ADAMTSL3: variants seen among roughly 807,000 people sequenced by gnomAD.
The protein encoded by ADAMTSL3 is ADAMTS like 3, also known as ADAMTS-like protein 3.
Under a neutral mutation model 201.7 loss-of-function variants are expected in ADAMTSL3, and 128 were observed. That is an observed-to-expected ratio of 0.63 (90% CI 0.55 to 0.73). The LOEUF is 0.73. Among genes scored for constraint, ADAMTSL3 ranks in the 30% least tolerant of loss-of-function variants. ADAMTSL3 has a pLI of 0.00. For synonymous variants in ADAMTSL3, 738 were observed against 748.4 expected, an observed-to-expected ratio of 0.99 and a Z score of 0.23; for missense variants, 1,990 against 2,119.6, an observed-to-expected ratio of 0.94 and a Z score of 1.20.
chr15:83,980,314 A>G (rs2067363785), intron 20 of ADAMTSL3, among the ~76,000 whole-genome samples: 1 of 152,204 alleles, frequency 6.6e-6, no homozygotes, highest in Non-Finnish European at 1.5e-5. Context: ...CCAAGACCCT[A>G]TTCCAGTGCT....
intron 9 of ADAMTSL3, 94 bp downstream of exon 9, chr15:83,871,053 C>T: frequency 7.0e-7 from 1 of 1,436,654 alleles, no homozygotes; most frequent in Non-Finnish European, 9.5e-7. Context: ...GGTCATCAAT[C>T]ATTGTTTTTT....
intron 15 of ADAMTSL3, among the ~76,000 whole-genome samples, chr15:83,910,135 A>G (rs973487067): frequency 5.3e-5 from 8 of 152,154 alleles, no homozygotes; most frequent in Non-Finnish European, 8.8e-5. Flanking sequence ...CAATAGTGTT[A>G]TTATGTTTCA....
At chr15:83,687,848 A>G (rs2061558853) in intron 2 of ADAMTSL3, among the ~76,000 whole-genome samples, 1 of 152,066 alleles carries the variant, frequency 6.6e-6, no homozygotes, top group South Asian at 2.1e-4. Flanking sequence ...ACAGCCACCA[A>G]CTAAGAGTAT....
At chr15:83,804,451 A>G (rs552128489) in intron 4 of ADAMTSL3, among the ~76,000 whole-genome samples, 199 bp from the exon 5 acceptor site, 5 of 152,278 alleles carry the variant, frequency 3.3e-5, no homozygotes, top group African/African-American at 1.2e-4. Flanking sequence ...ATTTAATGTG[A>G]CACTTCCACA....
At chr15:83,756,227 T>C (rs2062717529) in intron 3 of ADAMTSL3, among the ~76,000 whole-genome samples, 1 of 152,138 alleles carries the variant, frequency 6.6e-6, no homozygotes, top group African/African-American at 2.4e-5. Flanking sequence ...ACATCCTCAC[T>C]GTATTAGTCT....
rs1426792168 is a variant in ADAMTSL3, at chr15:83,942,762, G to T, written c.2284G>T (p.Gly762Cys). Residue 762 changes from glycine to cysteine, a missense_variant, in exon 18 of 30, where the codon GGC becomes TGC. Physicochemically the swap from Gly to Cys is radical, Grantham distance 159. Coordinates refer to ENST00000286744, the MANE Select transcript of ADAMTSL3 (RefSeq NM_207517.3). ...QACNQFDCPPGWHIEEWQQCS... is the reference protein window; with the variant it reads ...QACNQFDCPPCWHIEEWQQCS... The stretch of plus-strand genomic sequence containing the variant: ...ATGCAATCAGTTTGACTGCCCTCCT[G>T]GCTGGCACATTGAAGAATGGCAGCA... 1 of 1,613,738 alleles carries T rather than the reference G, an allele frequency of 6.2e-7. No homozygotes were observed. The highest frequency in any genetic ancestry group is 2.2e-5 in the East Asian group (1 of 44,770).
At chr15:83,726,520 A>C (rs1406327952) in intron 3 of ADAMTSL3, among the ~76,000 whole-genome samples, 1 of 152,070 alleles carries the variant, frequency 6.6e-6, no homozygotes, top group Non-Finnish European at 1.5e-5. Context: ...GTATGATACC[A>C]GCTCTGGGTC....
chr15:83,759,555 A>G (rs987846455), intron 3 of ADAMTSL3, among the ~76,000 whole-genome samples: 3 of 152,152 alleles, frequency 2.0e-5, no homozygotes, highest in Non-Finnish European at 2.9e-5. Flanking sequence ...ATGTTTTGAC[A>G]TGCACATAGT....
chr15:83,973,339 G>C (rs766681896), intron 20 of ADAMTSL3, among the ~76,000 whole-genome samples: 1 of 152,058 alleles, frequency 6.6e-6, no homozygotes, highest in Non-Finnish European at 1.5e-5. Flanking sequence ...TCTTGCACTA[G>C]AAACCTTAGC....
At chr15:83,903,562 TC>T (rs2065768795) in intron 15 of ADAMTSL3, among the ~76,000 whole-genome samples, 1 of 152,092 alleles carries the variant, frequency 6.6e-6, no homozygotes, top group African/African-American at 2.4e-5. Flanking sequence ...AACCACTGGA[TC>T]CGATCGTCCC....
At chr15:83,884,333 A>AT (rs1264921849) in intron 9 of ADAMTSL3, among the ~76,000 whole-genome samples, 1 of 114,492 alleles carries the variant, frequency 8.7e-6, no homozygotes, top group Non-Finnish European at 1.8e-5. Context: ...TTGGTGCCCT[A>AT]TTTCCTTTTT....
chr15:83,767,823 C>T (rs984937154), intron 3 of ADAMTSL3, among the ~76,000 whole-genome samples: 1 of 152,186 alleles, frequency 6.6e-6, no homozygotes, highest in South Asian at 2.1e-4. Context: ...GACTCCAAGT[C>T]TGATTAGTTG....
chr15:83,914,476 T>C (rs1035580238), intron 16 of ADAMTSL3, among the ~76,000 whole-genome samples: 1 of 152,206 alleles, frequency 6.6e-6, no homozygotes. Context: ...CCACTTTTTG[T>C]ATAACATTGC....
intron 5 of ADAMTSL3, among the ~76,000 whole-genome samples, chr15:83,817,704 A>T: frequency 6.6e-6 from 1 of 152,362 alleles, no homozygotes; most frequent in East Asian, 1.9e-4. Flanking sequence ...ACATTTTTGA[A>T]GAATTAATAC....
intron 3 of ADAMTSL3, among the ~76,000 whole-genome samples, chr15:83,732,035 T>C (rs2062284435): frequency 6.6e-6 from 1 of 152,022 alleles, no homozygotes; most frequent in South Asian, 2.1e-4. Context: ...GAGAGTAAAT[T>C]TCACCACACA....
chr15:83,781,598 A>T (rs2063169515), intron 4 of ADAMTSL3, among the ~76,000 whole-genome samples: 1 of 152,238 alleles, frequency 6.6e-6, no homozygotes, highest in Admixed American at 6.5e-5. Flanking sequence ...CAAAAATTGA[A>T]AAATGACATC....
chr15:83,865,802 C>A (rs145594826), intron 8 of ADAMTSL3, among the ~76,000 whole-genome samples: 10 of 152,162 alleles, frequency 6.6e-5, no homozygotes, highest in African/African-American at 1.7e-4. Flanking sequence ...ACAGCAAAAG[C>A]AACTACCATC....
At chr15:83,850,024 G>C (rs2064577376) in intron 7 of ADAMTSL3, among the ~76,000 whole-genome samples, 1 of 151,788 alleles carries the variant, frequency 6.6e-6, no homozygotes, top group South Asian at 2.1e-4. Flanking sequence ...TGCATGGTGA[G>C]GAAATATACC....
chr15:83,858,982 G>A (rs901244424), intron 8 of ADAMTSL3, 142 bp downstream of exon 8: 14 of 648,326 alleles, frequency 2.2e-5, no homozygotes, highest in East Asian at 2.8e-5. Context: ...CTGAACTTGC[G>A]TCCACTTACT....
Sources: allele counts gnomAD v4.1 joint callset (sites outside exome capture counted in the v4.1 genomes callset), GRCh38; gene constraint gnomAD v4.1.1; transcripts MANE v1.5; gene names NCBI Gene and HGNC (gene_info 2026-07-23, HGNC 2026-07-21).